The following USP48 variants were observed in gnomAD, a reference collection of about 807,000 sequenced individuals.
USP48 encodes ubiquitin specific peptidase 48.
Under a neutral mutation model 150.7 loss-of-function variants are expected in USP48, and 43 were observed. That is an observed-to-expected ratio of 0.29 (90% CI 0.22 to 0.37). USP48 has a LOEUF of 0.37. Among genes scored for constraint, USP48 ranks in the 10% least tolerant of loss-of-function variants. The pLI, the probability that USP48 is intolerant of heterozygous loss-of-function variation, is 1.00. For synonymous variants in USP48, 396 were observed against 425.9 expected, an observed-to-expected ratio of 0.93 and a Z score of 0.86; for missense variants, 813 against 1,249.6, an observed-to-expected ratio of 0.65 and a Z score of 5.27.
chr1:21,687,545 A>G (rs1236722019), intron 24 of USP48, among the ~76,000 whole-genome samples: 2 of 152,248 alleles, frequency 1.3e-5, no homozygotes, highest in Non-Finnish European at 1.5e-5. Context: ...TGGGGTTACT[A>G]AAGACTGATT....
Position 21,751,590 on chromosome 1 carries a change from T to TA in USP48, c.690dup (p.Lys231Ter). The TA allele has an allele frequency of 1.2e-6, 2 of 1,613,978 alleles. No homozygotes were observed. Among genetic ancestry groups the TA allele is most frequent in the Non-Finnish European group, 1.7e-6 (2 of 1,179,952 alleles). ...AGCTCATAAAATTTTGACAAAAGCT[T>TA]AGACTCTCTGCCACACTGGTTGCAA... On this transcript the variant is annotated frameshift_variant, in exon 6 of 27. Transcript: ENST00000308271. LOFTEE classifies it high-confidence loss of function.
chr1:21,683,245 C>CA (rs1558981437), intron 25 of USP48, among the ~76,000 whole-genome samples: 1 of 151,258 alleles, frequency 6.6e-6, no homozygotes, highest in Admixed American at 6.6e-5. Flanking sequence ...GACTCCATCT[C>CA]AAAAAAATAA....
chr1:21,695,347 T>A, intron 22 of USP48, 126 bp from the exon 23 acceptor site: 1 of 1,029,556 alleles, frequency 9.7e-7, no homozygotes, highest in South Asian at 1.8e-5. Flanking sequence ...AAATTCAATG[T>A]AAACAATGAG....
At chr1:21,777,097 G>A (rs2097901597) in intron 1 of USP48, among the ~76,000 whole-genome samples, 1 of 151,574 alleles carries the variant, frequency 6.6e-6, no homozygotes, top group Admixed American at 6.6e-5. Context: ...CTGGACAACA[G>A]AGCCAGACTC....
chr1:21,739,086 G>C (rs1428539924), intron 8 of USP48, among the ~76,000 whole-genome samples: 1 of 152,200 alleles, frequency 6.6e-6, no homozygotes, highest in Non-Finnish European at 1.5e-5. Flanking sequence ...CTCTGCGAGT[G>C]TTAGGGGAAC....
intron 1 of USP48, among the ~76,000 whole-genome samples, chr1:21,775,002 TAAA>T: frequency 1.4e-5 from 1 of 71,548 alleles, no homozygotes; most frequent in Non-Finnish European, 3.2e-5. Flanking sequence ...AATAAATAAA[TAAA>T]TAAATAAATA....
chr1:21,717,370 C>G (rs1438162674), intron 14 of USP48, among the ~76,000 whole-genome samples: 1 of 151,976 alleles, frequency 6.6e-6, no homozygotes, highest in Non-Finnish European at 1.5e-5. Flanking sequence ...CGTCACTGCT[C>G]TCCAGCCAGG....
intron 1 of USP48, among the ~76,000 whole-genome samples, chr1:21,769,957 C>G (rs1283735041): frequency 6.6e-6 from 1 of 152,054 alleles, no homozygotes; most frequent in African/African-American, 2.4e-5. Flanking sequence ...TGACCAAATA[C>G]ATGGAAAAAT....
chr1:21,679,545 TA>T, intron 26 of USP48, 106 bp from the exon 27 acceptor site: 1 of 1,406,840 alleles, frequency 7.1e-7, no homozygotes, highest in Non-Finnish European at 1.0e-6. Context: ...TCAAATTTAA[TA>T]AATGAACACA....
intron 1 of USP48, among the ~76,000 whole-genome samples, chr1:21,771,140 A>G (rs1397931977): frequency 6.6e-6 from 1 of 151,816 alleles, no homozygotes; most frequent in Non-Finnish European, 1.5e-5. Context: ...CAACTAAAAT[A>G]CAAATAATTT....
intron 23 of USP48, among the ~76,000 whole-genome samples, chr1:21,691,825 C>T (rs769249555): frequency 1.1e-4 from 17 of 152,240 alleles, no homozygotes; most frequent in African/African-American, 2.9e-4. Flanking sequence ...ATTCTTAACT[C>T]GGTAGACAAG....
Position 21,728,557 on chromosome 1 carries a change from A to G in USP48, c.1450+13T>C. 6.2e-7 allele frequency: 1 copy of G among 1,612,256 alleles called. No homozygotes were observed. Among genetic ancestry groups the G allele is most frequent in the Non-Finnish European group, 8.5e-7 (1 of 1,179,256 alleles). ...TTAATGGCAACAGTGCTGTCCCAGA[A>G]TATCTTACAGACCAGCTCCAGCAGG... On this transcript the variant is annotated intron_variant, in intron 11 of 26. Coordinates refer to ENST00000308271, the MANE Select transcript of USP48 (RefSeq NM_032236.8).
intron 1 of USP48, among the ~76,000 whole-genome samples, chr1:21,759,349 A>G (rs2097844772): frequency 6.6e-6 from 1 of 152,176 alleles, no homozygotes; most frequent in African/African-American, 2.4e-5. Flanking sequence ...TTAAACAGTT[A>G]TCAAGCTCAT....
At chr1:21,680,985 T>C (rs1361687628) in intron 25 of USP48, 151 bp from the exon 26 acceptor site, 1 of 604,280 alleles carries the variant, frequency 1.7e-6, no homozygotes, top group Non-Finnish European at 2.9e-6. Flanking sequence ...CGGATGTTAC[T>C]AATTTCAGAA....
chr1:21,717,636 G>A (rs1324281242), intron 14 of USP48, among the ~76,000 whole-genome samples: 1 of 152,094 alleles, frequency 6.6e-6, no homozygotes, highest in Non-Finnish European at 1.5e-5. Context: ...ACACTGCTAA[G>A]TCTAACTTCC....
chr1:21,744,777 TAAAAAAAAA>T (rs10699993), intron 8 of USP48, among the ~76,000 whole-genome samples: 3 of 59,548 alleles, frequency 5.0e-5, no homozygotes, highest in Non-Finnish European at 8.7e-5. Context: ...ACTCTATCTC[TAAAAAAAAA>T]AAAAAAAAAA....
chr1:21,731,039 G>A (rs547727367), intron 9 of USP48, among the ~76,000 whole-genome samples: 2 of 152,156 alleles, frequency 1.3e-5, no homozygotes, highest in Admixed American at 6.5e-5. Context: ...GATTACAGGC[G>A]TGAGCCACTG....
At chr1:21,740,680 A>C (rs548984847) in intron 8 of USP48, among the ~76,000 whole-genome samples, 12 of 152,364 alleles carry the variant, frequency 7.9e-5, no homozygotes, top group African/African-American at 2.9e-4. Flanking sequence ...GCAAGGCAGC[A>C]AACAGCAACA....
intron 1 of USP48, among the ~76,000 whole-genome samples, chr1:21,761,886 A>G (rs16825927): frequency 0.078 from 11,920 of 152,320 alleles, 636 homozygotes; most frequent in East Asian, 0.27. Context: ...AGTAGAACCC[A>G]TCCACTGTGG....
Sources: allele counts gnomAD v4.1 joint callset (sites outside exome capture counted in the v4.1 genomes callset), GRCh38; gene constraint gnomAD v4.1.1; transcripts MANE v1.5; gene names NCBI Gene and HGNC (gene_info 2026-07-23, HGNC 2026-07-21).